SNTG1: variants seen among roughly 807,000 people sequenced by gnomAD.
SNTG1 encodes gamma-1-syntrophin.
In SNTG1, 39 loss-of-function variants were observed where a neutral mutation model predicts 74.7. The observed-to-expected ratio is 0.52, with a 90% CI of 0.40 to 0.68. The LOEUF (loss-of-function observed/expected upper bound fraction) is 0.68, where lower values mean the gene tolerates loss of function less well. Ranked by LOEUF, SNTG1 falls within the 30% of genes least tolerant of loss-of-function variation. The pLI, the probability that SNTG1 is intolerant of heterozygous loss-of-function variation, is 0.00. For missense variants in SNTG1, 685 were observed against 609.5 expected (o/e 1.12, Z -1.30); for synonymous variants, 254 against 217.1 (o/e 1.17, Z -1.49).
At chr8:50,603,430 C>T (rs774888041) in intron 13 of SNTG1, among the ~76,000 whole-genome samples, 7 of 152,156 alleles carry the variant, frequency 4.6e-5, no homozygotes, top group African/African-American at 9.7e-5. Flanking sequence ...TGTCTTAAAT[C>T]GCTTTGAGTT....
chr8:50,191,772 C>A (rs2083588022), intron 2 of SNTG1, among the ~76,000 whole-genome samples: 1 of 152,010 alleles, frequency 6.6e-6, no homozygotes. Context: ...GTTCCCCTCC[C>A]TGTATCCATG....
chr8:50,104,037 C>G (rs1402752100), intron 1 of SNTG1, among the ~76,000 whole-genome samples: 3 of 152,100 alleles, frequency 2.0e-5, no homozygotes, highest in African/African-American at 7.2e-5. Flanking sequence ...TTGGTTGTGT[C>G]TCTGCCCAGC....
intron 2 of SNTG1, among the ~76,000 whole-genome samples, chr8:50,334,949 C>T (rs1185709206): frequency 2.0e-5 from 3 of 152,110 alleles, no homozygotes; most frequent in African/African-American, 7.2e-5. Flanking sequence ...AACTCTTCTG[C>T]TAGATTATAC....
intron 2 of SNTG1, among the ~76,000 whole-genome samples, chr8:50,300,589 G>A (rs1247299243): frequency 1.3e-5 from 2 of 151,572 alleles, no homozygotes; most frequent in East Asian, 3.9e-4. Flanking sequence ...ATTAAGTAAA[G>A]CAAATAAATT....
intron 13 of SNTG1, among the ~76,000 whole-genome samples, chr8:50,605,552 G>A (rs542070202): frequency 1.3e-5 from 2 of 152,050 alleles, no homozygotes; most frequent in South Asian, 4.2e-4. Flanking sequence ...CCCGCCAGTC[G>A]CTGTGCTAGT....
At chr8:50,578,637 A>C (rs2094590545) in intron 12 of SNTG1, among the ~76,000 whole-genome samples, 1 of 152,172 alleles carries the variant, frequency 6.6e-6, no homozygotes, top group Admixed American at 6.5e-5. Context: ...AGTTACCCTC[A>C]TGCTGTTCTC....
chr8:50,150,784 T>C (rs2082040859), intron 1 of SNTG1, among the ~76,000 whole-genome samples: 1 of 152,186 alleles, frequency 6.6e-6, no homozygotes, highest in East Asian at 1.9e-4. Context: ...GTGGATAACC[T>C]TTTTGATGTG....
chr8:50,443,888 C>T (rs2131592934), intron 5 of SNTG1, among the ~76,000 whole-genome samples: 1 of 152,160 alleles, frequency 6.6e-6, no homozygotes, highest in East Asian at 1.9e-4. Flanking sequence ...AATCCCAGGA[C>T]TTTAGGAGGC....
intron 1 of SNTG1, among the ~76,000 whole-genome samples, chr8:49,923,081 G>A (rs908309092): frequency 6.6e-6 from 1 of 152,046 alleles, no homozygotes; most frequent in Non-Finnish European, 1.5e-5. Context: ...CATATTTCAA[G>A]CAATATATGC....
At chr8:50,041,244 A>G (rs545747326) in intron 1 of SNTG1, among the ~76,000 whole-genome samples, 1 of 152,276 alleles carries the variant, frequency 6.6e-6, no homozygotes, top group South Asian at 2.1e-4. Flanking sequence ...GTCGCTTTGA[A>G]ATTCAACAAA....
intron 18 of SNTG1, among the ~76,000 whole-genome samples, chr8:50,763,744 T>A (rs1166861753): frequency 6.9e-6 from 1 of 144,794 alleles, no homozygotes; most frequent in African/African-American, 2.6e-5. Flanking sequence ...ATTGGAAAAA[T>A]TAATGTTGTT....
Position 50,632,103 on chromosome 8 carries a change from CAT to C in SNTG1, c.850-24804_850-24803del, listed in dbSNP as rs1440841145. 3.3e-5 allele frequency among the ~76,000 whole-genome samples: 5 copies of C among 152,134 alleles called. No individual in the cohort carries two copies. In the East Asian group the frequency reaches 7.7e-4, roughly 23 times the overall value. ...TTAAGCACTAGTTAACTTTCACAAA[CAT>C]AGGATATGGCAGTCACTAAAGGGCA... On this transcript the variant is annotated intron_variant, in intron 13 of 18. Transcript: ENST00000642720.
chr8:50,753,254 C>T (rs2095572119), intron 18 of SNTG1, among the ~76,000 whole-genome samples: 1 of 151,992 alleles, frequency 6.6e-6, no homozygotes, highest in South Asian at 2.1e-4. Flanking sequence ...TCAGCTACCA[C>T]TGATCAATCA....
intron 1 of SNTG1, among the ~76,000 whole-genome samples, chr8:50,109,853 T>A (rs1469589633): frequency 6.6e-6 from 1 of 152,106 alleles, no homozygotes; most frequent in Non-Finnish European, 1.5e-5. Flanking sequence ...GCCCTGAGAG[T>A]CTGCATGGGC....
At chr8:50,488,100 A>C (rs796301136) in intron 8 of SNTG1, among the ~76,000 whole-genome samples, 4 of 152,288 alleles carry the variant, frequency 2.6e-5, no homozygotes, top group African/African-American at 9.6e-5. Flanking sequence ...ATCTAGGTAG[A>C]GTCTTCCTTC....
chr8:50,736,490 AC>A (rs958393529), intron 17 of SNTG1, among the ~76,000 whole-genome samples: 1 of 152,060 alleles, frequency 6.6e-6, no homozygotes, highest in African/African-American at 2.4e-5. Context: ...ATATTTTCAC[AC>A]CCCACTGTCA....
intron 4 of SNTG1, among the ~76,000 whole-genome samples, chr8:50,427,382 AG>A (rs2093176609): frequency 6.6e-6 from 1 of 152,218 alleles, no homozygotes; most frequent in Non-Finnish European, 1.5e-5. Context: ...ACACTGTTAA[AG>A]AAAACAGACA....
intron 2 of SNTG1, among the ~76,000 whole-genome samples, chr8:50,372,253 T>A (rs2092286466): frequency 6.6e-6 from 1 of 151,980 alleles, no homozygotes; most frequent in African/African-American, 2.4e-5. Flanking sequence ...CTTTGATTCC[T>A]TTGCCATTTT....
At chr8:49,958,890 A>G (rs1026847435) in intron 1 of SNTG1, among the ~76,000 whole-genome samples, 4 of 152,224 alleles carry the variant, frequency 2.6e-5, no homozygotes, top group African/African-American at 9.6e-5. Context: ...AGCAAAGATT[A>G]TGGCCTTCAT....
Sources: allele counts gnomAD v4.1 joint callset (sites outside exome capture counted in the v4.1 genomes callset), GRCh38; gene constraint gnomAD v4.1.1; transcripts MANE v1.5; gene names NCBI Gene and HGNC (gene_info 2026-07-23, HGNC 2026-07-21).